Variants in PALM2AKAP2 observed in about 807,000 individuals in gnomAD.
The protein encoded by PALM2AKAP2 is PALM2 and AKAP2 fusion.
A neutral mutation model predicts 71.5 loss-of-function variants in PALM2AKAP2; 37 were observed. The ratio of observed to expected loss-of-function variants is 0.52; its 90% CI spans 0.40 to 0.68. The LOEUF (loss-of-function observed/expected upper bound fraction) is 0.68, where lower values mean the gene tolerates loss of function less well. Among genes scored for constraint, PALM2AKAP2 ranks in the 30% least tolerant of loss-of-function variants. The probability of loss-of-function intolerance (pLI) is 0.00; values close to 1 mark genes in which losing one functional copy is unlikely to be tolerated. For synonymous variants in PALM2AKAP2, 468 were observed against 478.8 expected, an observed-to-expected ratio of 0.98 and a Z score of 0.29; for missense variants, 1,224 against 1,191.8, an observed-to-expected ratio of 1.03 and a Z score of -0.40.
At chr9:109,830,673 A>G (rs1480812618) in intron 1 of PALM2AKAP2, among the ~76,000 whole-genome samples, 3 of 152,228 alleles carry the variant, frequency 2.0e-5, no homozygotes, top group African/African-American at 4.8e-5. Context: ...GGATAACAGA[A>G]TGAATGGCCT....
intron 1 of PALM2AKAP2, among the ~76,000 whole-genome samples, chr9:109,671,635 T>C (rs1345442354): frequency 6.6e-6 from 1 of 152,182 alleles, no homozygotes; most frequent in African/African-American, 2.4e-5. Flanking sequence ...GTGGAGAATA[T>C]CAATGATAGT....
chr9:109,875,301 C>G (rs1447348146), intron 2 of PALM2AKAP2, among the ~76,000 whole-genome samples: 6 of 152,216 alleles, frequency 3.9e-5, no homozygotes, highest in Non-Finnish European at 8.8e-5. Flanking sequence ...ATGTCCTCCC[C>G]TGGTCCCTCT....
chr9:110,135,299 CAAAAAAAAA>C (rs71373970), intron 1 of PALM2AKAP2, among the ~76,000 whole-genome samples: 2 of 7,262 alleles, frequency 2.8e-4, no homozygotes, highest in Admixed American at 1.7e-3. Flanking sequence ...AATCCCATCT[CAAAAAAAAA>C]AAAAAAAAAA....
chr9:110,042,500 T>A (rs549199838), intron 7 of PALM2AKAP2, among the ~76,000 whole-genome samples: 1 of 152,288 alleles, frequency 6.6e-6, no homozygotes, highest in South Asian at 2.1e-4. Context: ...CAGAGATCAG[T>A]GAGAAATGTC....
At chr9:109,907,751 G>T (rs1265667360) in intron 3 of PALM2AKAP2, among the ~76,000 whole-genome samples, 1 of 152,170 alleles carries the variant, frequency 6.6e-6, no homozygotes, top group Non-Finnish European at 1.5e-5. Context: ...CTCCACTGAG[G>T]AGAAGCTGTC....
chr9:109,929,988 C>T (rs1831056854), intron 5 of PALM2AKAP2, among the ~76,000 whole-genome samples: 1 of 151,936 alleles, frequency 6.6e-6, no homozygotes, highest in Non-Finnish European at 1.5e-5. Context: ...AAACCATCTT[C>T]AGGGGGTCCC....
In PALM2AKAP2 at chr9:110,109,318, C is replaced by CAAA. The variant is rs542467637; in HGVS notation, c.157-26793_157-26791dup. ...GGCAACAAGAGGGAATCTTTGTCTC[C>CAAA]AAAAAAAAAAAAAAAAAACCAGAAA... On this transcript the variant is annotated intron_variant, in intron 1 of 3. Coordinates refer to ENST00000374525, the Ensembl canonical transcript of PALM2AKAP2. Among the ~76,000 whole-genome samples the CAAA allele has an allele frequency of 4.5e-3, 359 of 79,628 alleles. 10 individuals carry two copies. The highest frequency in any genetic ancestry group is 0.016 in the African/African-American group (343 of 21,066). The allele number at this position is 79,628 out of a possible 152,430, so 52.2% of individuals were successfully genotyped here.
chr9:109,699,082 C>G (rs1241667001), intron 1 of PALM2AKAP2, among the ~76,000 whole-genome samples: 1 of 152,052 alleles, frequency 6.6e-6, no homozygotes, highest in Non-Finnish European at 1.5e-5. Context: ...TTTTTATGGG[C>G]AAGTCGTGCT....
Position 109,879,716 on chromosome 9 carries a change from T to G in PALM2AKAP2, c.127-835T>G, listed in dbSNP as rs1368448295. ...GATGTATGGTTTTTTTTTTTTTTTT[T>G]GACAGGGTCTCGTTCTATCACCCAG... On this transcript the variant is annotated intron_variant, in intron 2 of 9. Coordinates refer to the PALM2AKAP2 transcript ENST00000302798. Among the ~76,000 whole-genome samples the G allele has an allele frequency of 1.9e-3, 223 of 116,218 alleles. 1 individual carries two copies. Among genetic ancestry groups the G allele is most frequent in the Admixed American group, 6.4e-3 (69 of 10,780 alleles). The allele number at this position is 116,218 out of a possible 152,430, so 76.2% of individuals were successfully genotyped here.
chr9:109,663,442 T>C (rs1827431943), intron 1 of PALM2AKAP2, among the ~76,000 whole-genome samples: 1 of 152,178 alleles, frequency 6.6e-6, no homozygotes, highest in Admixed American at 6.5e-5. Context: ...ACTTTCTTAT[T>C]TACCCAGTAG....
intron 2 of PALM2AKAP2, among the ~76,000 whole-genome samples, chr9:109,872,680 C>T (rs1829632040): frequency 6.6e-6 from 1 of 152,258 alleles, no homozygotes; most frequent in Non-Finnish European, 1.5e-5. Flanking sequence ...AATTGTGACC[C>T]TGTGAAATAT....
chr9:109,875,463 C>T (rs1474681019), intron 2 of PALM2AKAP2, among the ~76,000 whole-genome samples: 1 of 152,114 alleles, frequency 6.6e-6, no homozygotes, highest in Middle Eastern at 3.2e-3. Context: ...GTTCTTGGCA[C>T]CTAGGAAAGG....
intron 7 of PALM2AKAP2, among the ~76,000 whole-genome samples, chr9:110,023,305 C>CTTTTTT (rs149672913): frequency 0.037 from 2,724 of 74,022 alleles, 340 homozygotes; most frequent in East Asian, 0.066. Flanking sequence ...ATTGTGGTTT[C>CTTTTTT]TTTTTTTTTT....
chr9:110,029,375 A>G (rs968638899), intron 7 of PALM2AKAP2, among the ~76,000 whole-genome samples: 2 of 152,164 alleles, frequency 1.3e-5, no homozygotes, highest in Non-Finnish European at 2.9e-5. Flanking sequence ...TTGTGCTTTT[A>G]TCAACTCCTA....
chr9:109,808,730 G>A (rs911782680), intron 1 of PALM2AKAP2, among the ~76,000 whole-genome samples: 1 of 152,266 alleles, frequency 6.6e-6, no homozygotes, highest in Non-Finnish European at 1.5e-5. Flanking sequence ...TCCACGGCAT[G>A]TCAGAGGTCT....
At chr9:109,640,843 C>G (rs1329747446) in exon 1 of PALM2AKAP2, 3 of 1,516,998 alleles carry the variant, frequency 2.0e-6, no homozygotes, top group South Asian at 2.4e-5. Flanking sequence ...AGCAGCGCAC[C>G]CGGCCGCGGA....
intron 1 of PALM2AKAP2, among the ~76,000 whole-genome samples, chr9:109,817,216 T>G (rs984222328): frequency 1.4e-4 from 22 of 152,228 alleles, no homozygotes; most frequent in African/African-American, 5.3e-4. Context: ...GTTGGCACTT[T>G]GTGGATGTTG....
At chr9:109,742,199 G>GATGTACTCACATGTATGTACTCAAA (rs1459554847) in intron 1 of PALM2AKAP2, among the ~76,000 whole-genome samples, 1 of 151,710 alleles carries the variant, frequency 6.6e-6, no homozygotes, top group Non-Finnish European at 1.5e-5. Flanking sequence ...ATTTGTCTGT[G>GATGTACTCACATGTATGTACTCAAA]ATGTACTCAC....
At chr9:109,875,697 A>T (rs943489065) in intron 2 of PALM2AKAP2, among the ~76,000 whole-genome samples, 2 of 152,176 alleles carry the variant, frequency 1.3e-5, no homozygotes, top group African/African-American at 4.8e-5. Context: ...CCCAGGCCTT[A>T]TGCGAGACTT....
Sources: gnomAD v4.1 joint callset for allele counts (sites outside exome capture counted in the v4.1 genomes callset) on GRCh38, gnomAD v4.1.1 for gene constraint, MANE v1.5 for transcripts, NCBI Gene and HGNC (gene_info 2026-07-23, HGNC 2026-07-21) for gene names.